Variants in CCNH observed in about 807,000 individuals in gnomAD.
CCNH encodes cyclin-H.
In CCNH, 31 loss-of-function variants were observed where a neutral mutation model predicts 41.9. The ratio of observed to expected loss-of-function variants is 0.74; its 90% CI spans 0.56 to 1.00. The LOEUF (loss-of-function observed/expected upper bound fraction) is 1.00, where lower values mean the gene tolerates loss of function less well. Ranked by LOEUF, CCNH falls within the 50% of genes least tolerant of loss-of-function variation. The pLI, the probability that CCNH is intolerant of heterozygous loss-of-function variation, is 0.00. For synonymous variants in CCNH, 138 were observed against 136.1 expected, an observed-to-expected ratio of 1.01 and a Z score of -0.10; for missense variants, 362 against 388.4, an observed-to-expected ratio of 0.93 and a Z score of 0.57.
At chr5:87,327,036 T>A (rs1316553377) in intron 9 of CCNH, among the ~76,000 whole-genome samples, 1 of 152,232 alleles carries the variant, frequency 6.6e-6, no homozygotes, top group African/African-American at 2.4e-5. Flanking sequence ...CAGTCCCATA[T>A]CCTTTGAGTA....
intron 9 of CCNH, among the ~76,000 whole-genome samples, chr5:87,370,941 T>C (rs1181579560): frequency 6.6e-6 from 1 of 152,168 alleles, no homozygotes; most frequent in Non-Finnish European, 1.5e-5. Context: ...TTAATGCTCA[T>C]TTCACATGTA....
At chr5:87,362,892 TTC>T in intron 9 of CCNH, among the ~76,000 whole-genome samples, 1 of 150,742 alleles carries the variant, frequency 6.6e-6, no homozygotes, top group South Asian at 2.1e-4. Flanking sequence ...GTTTCTTTTT[TTC>T]TTTCTTTCTT....
At chr5:87,349,149 A>G (rs1288662984) in intron 9 of CCNH, 64 of 1,560,328 alleles carry the variant, frequency 4.1e-5, no homozygotes, top group Non-Finnish European at 5.6e-5. Context: ...TTGTAATAAT[A>G]CTACTTAACA....
rs752050056 is a variant in CCNH at position 87,404,876 on chromosome 5, A to G, written c.657T>C (p.Ser219=). The G allele has an allele frequency of 3.1e-6, 5 of 1,613,498 alleles. No homozygotes were observed. In the East Asian group the frequency reaches 1.1e-4, roughly 36 times the overall value. The stretch of plus-strand genomic sequence containing the variant: ...TAGTAATTCCAGCCCTGGAGGCACT[A>G]GATAAAATGGCAGTCAGGGCAATTT... ...PSQIALTAIL[S]SASRAGITME... The change falls in exon 5 of 9, where the codon TCT becomes TCC. Residue 219 remains serine (S), a synonymous_variant. Coordinates refer to ENST00000256897, the MANE Select transcript of CCNH (RefSeq NM_001239.4).
At chr5:87,348,495 A>G (rs1339222904) in intron 9 of CCNH, among the ~76,000 whole-genome samples, 1 of 152,050 alleles carries the variant, frequency 6.6e-6, no homozygotes, top group African/African-American at 2.4e-5. Flanking sequence ...ATTTGCTTCT[A>G]TAATTCCTTT....
chr5:87,342,318 T>TA (rs1219607562), intron 9 of CCNH, among the ~76,000 whole-genome samples: 1 of 152,044 alleles, frequency 6.6e-6, no homozygotes, highest in Non-Finnish European at 1.5e-5. Flanking sequence ...AACACCATGC[T>TA]AGGCTGGTTA....
At chr5:87,312,714 T>A in the CCNH span, among the ~76,000 whole-genome samples, 15 of 152,332 alleles carry the variant, frequency 9.8e-5, no homozygotes, top group South Asian at 2.3e-3. Flanking sequence ...CCATGAATCT[T>A]CATTTCCATC....
intron 9 of CCNH, among the ~76,000 whole-genome samples, chr5:87,348,887 C>T (rs1759054729): frequency 6.6e-6 from 1 of 151,826 alleles, no homozygotes; most frequent in Non-Finnish European, 1.5e-5. Flanking sequence ...CAGTTTTAGC[C>T]AGTATTCCCT....
At chr5:87,381,128 G>C (rs1761685983), upstream of CCNH, among the ~76,000 whole-genome samples, 1 of 152,078 alleles carries the variant, frequency 6.6e-6, no homozygotes, top group Admixed American at 6.6e-5. Context: ...TTATTCTATA[G>C]GAAGAACTGC....
chr5:87,394,431 A>G lies in CCNH; in HGVS notation c.*15T>C, dbSNP rs747798715. Reference sequence around the variant, plus strand: ...TCTCTTGATTAGTTAGCATTGAGAAATCAACTTCAAATGGTTAGAGAGATT... The same window carrying G: ...TCTCTTGATTAGTTAGCATTGAGAAGTCAACTTCAAATGGTTAGAGAGATT... On this transcript the variant is annotated 3_prime_UTR_variant, in exon 9 of 9. Coordinates refer to ENST00000256897, the MANE Select transcript of CCNH (RefSeq NM_001239.4). 7.4e-6 allele frequency: 12 copies of G among 1,611,778 alleles called. No individual in the cohort carries two copies. In the South Asian group the frequency reaches 1.1e-4, roughly 15 times the overall value.
upstream of CCNH, among the ~76,000 whole-genome samples, chr5:87,377,748 C>T (rs568075275): frequency 1.3e-5 from 2 of 152,258 alleles, no homozygotes; most frequent in East Asian, 3.9e-4. Flanking sequence ...ATAATCCACC[C>T]TCCCCCTGGC....
intron 9 of CCNH, among the ~76,000 whole-genome samples, chr5:87,366,861 G>A (rs902332330): frequency 5.9e-5 from 9 of 152,038 alleles, no homozygotes; most frequent in African/African-American, 2.2e-4. Context: ...GGCAAACCCC[G>A]TCTCTTTAAA....
intron 9 of CCNH, among the ~76,000 whole-genome samples, chr5:87,347,745 A>G (rs1163634484): frequency 2.6e-5 from 4 of 152,192 alleles, no homozygotes; most frequent in Middle Eastern, 6.8e-3. Flanking sequence ...ATAATGCTAT[A>G]TGATAGTAAT....
chr5:87,352,331 T>TTA (rs543563999), intron 9 of CCNH, among the ~76,000 whole-genome samples: 29 of 151,114 alleles, frequency 1.9e-4, no homozygotes, highest in Non-Finnish European at 3.7e-4. Flanking sequence ...TATATTCTAA[T>TTA]TATATATATA....
chr5:87,366,272 AG>A, intron 9 of CCNH: 1 of 300,274 alleles, frequency 3.3e-6, no homozygotes, highest in South Asian at 2.7e-5. Context: ...ATCTTAAGGA[AG>A]TATTAAGATG....
Position 87,411,346 on chromosome 5 carries a change from C to T in CCNH, c.118G>A (p.Val40Ile). The T allele has an allele frequency of 6.2e-7, 1 of 1,600,810 alleles. No homozygotes were observed. Among genetic ancestry groups the T allele is most frequent in the Non-Finnish European group, 8.5e-7 (1 of 1,175,480 alleles). ...FRCKAVANGK[V>I]LPNDPVFLEP... ...AGAAAGACTGGATCATTCGGAAGAA[C>T]CTTTAGATCAACAATTACAACACAA... is the stretch of plus-strand genomic sequence containing the variant. Residue 40 changes from valine (V) to isoleucine (I), a missense_variant and splice_region_variant, in exon 2 of 9, where the codon GTT (valine) becomes ATT (isoleucine). Coordinates refer to ENST00000256897, the MANE Select transcript of CCNH (RefSeq NM_001239.4).
rs537830383 is a variant in CCNH at position 87,366,485 on chromosome 5, T to C, written c.*90+26285A>G. On this transcript the variant is annotated intron_variant and NMD_transcript_variant, in intron 9 of 9. Coordinates refer to the CCNH transcript ENST00000645953. ...AGCACAAGTTGAAGATTGTGAATGA[T>C]TCCTATTCTGGTTAGTAACAAGAAA... The C allele has an allele frequency of 1.6e-5, 4 of 256,670 alleles. No homozygotes were observed. The East Asian group carries it at 3.5e-4, about 23-fold the overall frequency. 15.9% of individuals were successfully genotyped at this position (256,670 alleles called of 1,614,324 possible). A position where few individuals can be genotyped will look rare whatever the true frequency, so the allele number is the denominator to read the frequency against.
chr5:87,362,734 C>CT, intron 9 of CCNH: 1 of 1,533,460 alleles, frequency 6.5e-7, no homozygotes, highest in Non-Finnish European at 9.0e-7. Context: ...GAGCTCCGAA[C>CT]TTATTGTGAT....
intron 9 of CCNH, among the ~76,000 whole-genome samples, chr5:87,343,973 AC>A (rs1315952639): frequency 1.6e-4 from 25 of 152,218 alleles, no homozygotes; most frequent in Admixed American, 5.9e-4. Context: ...GCACAGAAAG[AC>A]AAATACCATG....
Sources: gnomAD v4.1 joint callset for allele counts (sites outside exome capture counted in the v4.1 genomes callset) on GRCh38, gnomAD v4.1.1 for gene constraint, MANE v1.5 for transcripts, NCBI Gene and HGNC (gene_info 2026-07-23, HGNC 2026-07-21) for gene names.